The following PCDHA13 variants were observed in gnomAD, a reference collection of about 807,000 sequenced individuals.
PCDHA13 encodes the protein protocadherin alpha-13.
PCDHA13 carries 54 observed loss-of-function variants against 64.8 expected under a neutral mutation model. The ratio of observed to expected loss-of-function variants is 0.83; its 90% CI spans 0.67 to 1.04. The LOEUF is 1.04. Among genes scored for constraint, PCDHA13 ranks in the 50% least tolerant of loss-of-function variants. The pLI, the probability that PCDHA13 is intolerant of heterozygous loss-of-function variation, is 0.00. For missense variants in PCDHA13, 1,248 were observed against 1,254.3 expected, an observed-to-expected ratio of 0.99 and a Z score of 0.08; for synonymous variants, 587 against 564.4, an observed-to-expected ratio of 1.04 and a Z score of -0.57.
chr5:141,003,258 G>T (rs1029666608), intron 3 of PCDHA13, among the ~76,000 whole-genome samples: 1 of 152,240 alleles, frequency 6.6e-6, no homozygotes, highest in Admixed American at 6.5e-5. Flanking sequence ...TTCCTGGGCA[G>T]TGCCTAAGGG....
At chr5:140,989,060 G>A (rs1233023153) in intron 3 of PCDHA13, 1 of 152,138 alleles carries the variant, frequency 6.6e-6, no homozygotes, top group Non-Finnish European at 1.5e-5. Context: ...CTACATTGAG[G>A]CAATACAGTC....
At chr5:140,895,103 T>C (rs1459301220) in intron 1 of PCDHA13, among the ~76,000 whole-genome samples, 3 of 152,204 alleles carry the variant, frequency 2.0e-5, no homozygotes, top group Non-Finnish European at 4.4e-5. Flanking sequence ...GGGTTTTTGC[T>C]ACAAGAAGAC....
At chr5:140,898,782 G>A (rs1170822216) in intron 1 of PCDHA13, among the ~76,000 whole-genome samples, 5 of 152,306 alleles carry the variant, frequency 3.3e-5, no homozygotes, top group Middle Eastern at 3.4e-3. Context: ...ACCTTGGGCA[G>A]TATGGCCATT....
At chr5:140,919,643 C>CTA (rs1244015726) in intron 1 of PCDHA13, among the ~76,000 whole-genome samples, 7 of 152,192 alleles carry the variant, frequency 4.6e-5, no homozygotes, top group Non-Finnish European at 8.8e-5. Flanking sequence ...AGTAGTTTCT[C>CTA]TAGAGTTTAC....
rs1314972050 is a variant in PCDHA13, at chr5:141,011,103, T to A, written c.*1166T>A. 6.5e-6 allele frequency: 1 copy of A among 153,762 alleles called. No individual in the cohort carries two copies. Among genetic ancestry groups the A allele is most frequent in the Non-Finnish European group, 1.5e-5 (1 of 68,036 alleles). The allele number at this position is 153,762 out of a possible 1,614,324, so 9.5% of individuals were successfully genotyped here. A position where few individuals can be genotyped will look rare whatever the true frequency, so the allele number is the denominator to read the frequency against. On this transcript the variant is annotated 3_prime_UTR_variant, in exon 4 of 4. Coordinates refer to ENST00000289272, the MANE Select transcript of PCDHA13 (RefSeq NM_018904.3). ...TGATCTCTCTTTCTCTCTCTCTCTC[T>A]CTTTTCTAAGAAACAATTATGTGCA... is the stretch of plus-strand genomic sequence containing the variant.
rs1006692100 is a variant in PCDHA13 at position 140,968,013 on chromosome 5, G to A, written c.2395-10936G>A. Reference sequence around the variant, plus strand: ...CTGCCTTTCCGACTGAATGGCTTTGGAAACTCCTATACACTGGTGGTGAGC... The same window carrying A: ...CTGCCTTTCCGACTGAATGGCTTTGAAAACTCCTATACACTGGTGGTGAGC... On this transcript the variant is annotated intron_variant, in intron 1 of 3. Coordinates refer to ENST00000289272, the MANE Select transcript of PCDHA13 (RefSeq NM_018904.3). 2.5e-6 allele frequency: 4 copies of A among 1,614,066 alleles called. No individual in the cohort carries two copies. The African/African-American group carries it at 4.0e-5, about 16-fold the overall frequency.
In PCDHA13 at chr5:140,882,333, C is replaced by T. The variant is rs1052199425; in HGVS notation, c.65C>T (p.Ala22Val). The T allele has an allele frequency of 3.8e-5, 61 of 1,614,102 alleles. No individual in the cohort carries two copies. The highest frequency in any genetic ancestry group is 5.0e-5 in the Non-Finnish European group (59 of 1,180,056). Reference protein sequence around the residue: ...RQLLLWLLILAAWETGSGQLH... With the variant: ...RQLLLWLLILVAWETGSGQLH... ...CTACTGCTCTGGCTTCTGATCCTCG[C>T]AGCCTGGGAGACGGGTAGTGGCCAG... The change falls in exon 1 of 4, where the codon GCA (alanine) becomes GTA (valine). Residue 22 changes from alanine to valine, a missense_variant. Ala to Val is a moderately conservative substitution (Grantham distance 64). Transcript: ENST00000289272.
intron 1 of PCDHA13, among the ~76,000 whole-genome samples, chr5:140,943,363 T>C (rs1192531762): frequency 2.0e-5 from 3 of 148,712 alleles, no homozygotes; most frequent in Non-Finnish European, 4.5e-5. Flanking sequence ...GGAAAGGAGA[T>C]CATTAAAATA....
At chr5:140,925,671 A>AATAATAATAATAATAATG (rs1445697337) in intron 1 of PCDHA13, among the ~76,000 whole-genome samples, 3 of 148,150 alleles carry the variant, frequency 2.0e-5, no homozygotes, top group African/African-American at 7.5e-5. Flanking sequence ...TAATAATAAT[A>AATAATAATAATAATAATG]ATAATAAAGC....
intron 1 of PCDHA13, among the ~76,000 whole-genome samples, chr5:140,926,200 G>A (rs1050721250): frequency 6.6e-6 from 1 of 151,674 alleles, no homozygotes; most frequent in Non-Finnish European, 1.5e-5. Context: ...ACTTCTTTCG[G>A]GGGGCTCCTG....
At position 141,011,045 on chromosome 5, in the gene PCDHA13, G is replaced by A. The variant is rs949707438; in HGVS notation, c.*1108G>A. 2 of 153,712 alleles carry A rather than the reference G, an allele frequency of 1.3e-5. No individual in the cohort carries two copies. Among genetic ancestry groups the A allele is most frequent in the African/African-American group, 4.8e-5 (2 of 41,422 alleles). The allele number at this position is 153,712 out of a possible 1,614,324, so 9.5% of individuals were successfully genotyped here. ...CAGCTTTACTCTTTCAGGTCACTCT[G>A]GGGCTGCCTCTTGCATGTATTACTA... On this transcript the variant is annotated 3_prime_UTR_variant, in exon 4 of 4. Coordinates refer to ENST00000289272, the MANE Select transcript of PCDHA13 (RefSeq NM_018904.3).
At chr5:140,978,770 A>G in intron 1 of PCDHA13, 179 bp from the exon 2 acceptor site, 3 of 956,466 alleles carry the variant, frequency 3.1e-6, no homozygotes, top group Non-Finnish European at 2.5e-6. Context: ...CTGATGAACT[A>G]ATTTTCTTCT....
At chr5:140,924,395 G>C (rs919795787) in intron 1 of PCDHA13, among the ~76,000 whole-genome samples, 1 of 152,024 alleles carries the variant, frequency 6.6e-6, no homozygotes, top group East Asian at 1.9e-4. Context: ...TACTTATATT[G>C]CCTTATATCA....
At chr5:140,934,245 T>C (rs2089728870) in intron 1 of PCDHA13, among the ~76,000 whole-genome samples, 1 of 152,158 alleles carries the variant, frequency 6.6e-6, no homozygotes, top group Non-Finnish European at 1.5e-5. Context: ...ATTGTGGAGA[T>C]TTATCAAAAT....
rs544791644 is a variant in PCDHA13, at chr5:140,937,295, C to G, written c.2395-41654C>G. Among the ~76,000 whole-genome samples the G allele has an allele frequency of 1.0e-3, 157 of 152,202 alleles. 1 individual carries two copies. Among genetic ancestry groups the G allele is most frequent in the Admixed American group, 4.7e-3 (72 of 15,286 alleles). On this transcript the variant is annotated intron_variant, in intron 1 of 3. Transcript: ENST00000289272. ...CTCGTGATTCACCCGCTTCGGCCTC[C>G]CAAAGTGCTGGGATTACAGGCGTGA...
intron 1 of PCDHA13, among the ~76,000 whole-genome samples, chr5:140,910,952 G>A (rs1188072199): frequency 3.3e-5 from 5 of 152,082 alleles, no homozygotes; most frequent in African/African-American, 1.2e-4. Context: ...TTCTTTTCGA[G>A]TGTAGCACAC....
intron 3 of PCDHA13, among the ~76,000 whole-genome samples, chr5:141,000,216 T>C (rs665221): frequency 1.3e-5 from 2 of 151,640 alleles, no homozygotes; most frequent in East Asian, 1.9e-4. Flanking sequence ...CATTATCAAA[T>C]GCCTGTGTGG....
chr5:140,944,909 C>A (rs1320536064), intron 1 of PCDHA13, among the ~76,000 whole-genome samples: 1 of 152,136 alleles, frequency 6.6e-6, no homozygotes, highest in African/African-American at 2.4e-5. Flanking sequence ...CCACAAACTT[C>A]TCTTTATATT....
chr5:140,884,802 A>G, intron 1 of PCDHA13, 140 bp downstream of exon 1: 1 of 1,232,140 alleles, frequency 8.1e-7, no homozygotes, highest in Non-Finnish European at 1.1e-6. Flanking sequence ...GAATTTAACA[A>G]CTCTGCTGTG....
Sources: gnomAD v4.1 joint callset for allele counts (sites outside exome capture counted in the v4.1 genomes callset) on GRCh38, gnomAD v4.1.1 for gene constraint, MANE v1.5 for transcripts, NCBI Gene and HGNC (gene_info 2026-07-23, HGNC 2026-07-21) for gene names.